Variants in PEX5L observed in about 807,000 individuals in gnomAD.
PEX5L encodes the protein PEX5-related protein.
Under a neutral mutation model 84.0 loss-of-function variants are expected in PEX5L, and 30 were observed. The observed-to-expected ratio is 0.36, with a 90% confidence interval of 0.27 to 0.48. The LOEUF (loss-of-function observed/expected upper bound fraction) is 0.48, where lower values mean the gene tolerates loss of function less well. PEX5L is among the 20% of genes least tolerant of loss of function. PEX5L has a pLI of 0.99. For synonymous variants in PEX5L, 270 were observed against 283.1 expected, an observed-to-expected ratio of 0.95 and a Z score of 0.46; for missense variants, 533 against 754.6, an observed-to-expected ratio of 0.71 and a Z score of 3.44.
chr3:179,843,656 CATCCAGAGATAA>C lies in PEX5L; in HGVS notation c.822+15394_822+15405del, dbSNP rs148506521. On this transcript the variant is annotated intron_variant, in intron 8 of 14. Coordinates refer to ENST00000467460, the MANE Select transcript of PEX5L (RefSeq NM_016559.3). ...ATGAAAAATAATTATTCAATCTCACCATCCAGAGATAAATTATTAATCACTGTTGATACTTTT... is the reference window on the plus strand; with the variant it reads ...ATGAAAAATAATTATTCAATCTCACCATTATTAATCACTGTTGATACTTTT... Among the ~76,000 whole-genome samples the C allele has an allele frequency of 7.4e-3, 1,122 of 152,276 alleles. 11 individuals are homozygous for C. The highest frequency in any genetic ancestry group is 0.026 in the African/African-American group (1,072 of 41,546).
intron 7 of PEX5L, among the ~76,000 whole-genome samples, chr3:179,864,099 G>T (rs1479928132): frequency 6.6e-6 from 1 of 152,086 alleles, no homozygotes; most frequent in Non-Finnish European, 1.5e-5. Context: ...CCCCAGCCAC[G>T]TGGAACTCTA....
At position 180,019,431 on chromosome 3, in the gene PEX5L, G is replaced by A. The variant is rs559477959; in HGVS notation, c.21+17148C>T. The stretch of plus-strand genomic sequence containing the variant: ...TAACATTCTATAAAAGTGTGCTCCT[G>A]GCTCTGGTTGGAATTTTAGCCTCTG... On this transcript the variant is annotated intron_variant, in intron 1 of 14. Coordinates refer to ENST00000467460, the MANE Select transcript of PEX5L (RefSeq NM_016559.3). Among the ~76,000 whole-genome samples, 13 of 152,246 alleles carry A rather than the reference G, an allele frequency of 8.5e-5. No homozygotes were observed. In the East Asian group the frequency reaches 2.5e-3, roughly 29 times the overall value.
At chr3:179,989,687 T>C (rs913753597) in intron 1 of PEX5L, among the ~76,000 whole-genome samples, 12 of 152,174 alleles carry the variant, frequency 7.9e-5, no homozygotes, top group African/African-American at 2.9e-4. Flanking sequence ...ACTTAGATTA[T>C]GAAAATGATT....
At chr3:179,995,323 G>A (rs2110393173) in intron 1 of PEX5L, among the ~76,000 whole-genome samples, 1 of 151,262 alleles carries the variant, frequency 6.6e-6, no homozygotes, top group South Asian at 2.1e-4. Context: ...AACAGGAGTG[G>A]TTCTAGAGGA....
intron 8 of PEX5L, among the ~76,000 whole-genome samples, chr3:179,836,264 A>G (rs1443784241): frequency 1.3e-5 from 2 of 152,200 alleles, no homozygotes; most frequent in Non-Finnish European, 2.9e-5. Flanking sequence ...ACACTTATAA[A>G]ATATTTGGCA....
intron 1 of PEX5L, among the ~76,000 whole-genome samples, chr3:180,028,882 G>T (rs1284371919): frequency 1.3e-5 from 2 of 152,208 alleles, no homozygotes; most frequent in Non-Finnish European, 2.9e-5. Context: ...CCAAATACCT[G>T]TGAAATAACT....
At position 179,796,177 on chromosome 3, in the gene PEX5L, A is replaced by T. The variant is rs1560101275; in HGVS notation, c.*5651T>A. 1.3e-5 allele frequency: 2 copies of T among 152,302 alleles called. No homozygotes were observed. The highest frequency in any genetic ancestry group is 3.9e-4 in the East Asian group (2 of 5,188). 9.4% of individuals were successfully genotyped at this position (152,302 alleles called of 1,614,324 possible). A position where few individuals can be genotyped will look rare whatever the true frequency, so the allele number is the denominator to read the frequency against. On this transcript the variant is annotated 3_prime_UTR_variant, in exon 15 of 15. Transcript: ENST00000467460. ...TCCCTTTCCAAGAAATCCAAAGAAC[A>T]CGACCCCTCCCCCTCCCCCAATGAA...
At chr3:179,950,508 A>C (rs377678606) in intron 2 of PEX5L, among the ~76,000 whole-genome samples, 5 of 115,048 alleles carry the variant, frequency 4.3e-5, no homozygotes, top group African/African-American at 1.4e-4. Context: ...AACTTAAAGT[A>C]TAATAACAAA....
chr3:180,036,792 C>A lies in PEX5L; in HGVS notation c.-193G>T. 1 of 612,754 alleles carries A rather than the reference C, an allele frequency of 1.6e-6. No homozygotes were observed. Among genetic ancestry groups the A allele is most frequent in the East Asian group, 2.7e-5 (1 of 36,992 alleles). The allele number at this position is 612,754 out of a possible 1,614,324, so 38.0% of individuals were successfully genotyped here. On this transcript the variant is annotated 5_prime_UTR_variant, in exon 1 of 15. Coordinates refer to ENST00000467460, the MANE Select transcript of PEX5L (RefSeq NM_016559.3). ...GCTGCGGGCTGCCGGGAACTGTTCT[C>A]CGCTCGGGGTGCTGAAAGCGGACGC...
chr3:179,923,311 A>AAAAAAT (rs1770390869), intron 2 of PEX5L, among the ~76,000 whole-genome samples: 1 of 149,552 alleles, frequency 6.7e-6, no homozygotes, highest in Non-Finnish European at 1.5e-5. Flanking sequence ...AAAAAAAAAA[A>AAAAAAT]CACCCTCAAG....
chr3:179,962,138 C>A (rs1378616657), intron 2 of PEX5L, among the ~76,000 whole-genome samples: 1 of 152,232 alleles, frequency 6.6e-6, no homozygotes, highest in Non-Finnish European at 1.5e-5. Flanking sequence ...ATATAAACAT[C>A]TTTTTATAAA....
chr3:179,819,818 T>C lies in PEX5L; in HGVS notation c.939+42A>G, dbSNP rs754709211. The C allele has an allele frequency of 4.8e-5, 74 of 1,552,248 alleles. No homozygotes were observed. In the South Asian group the frequency reaches 8.2e-4, roughly 17 times the overall value. On this transcript the variant is annotated intron_variant, in intron 9 of 14. Coordinates refer to ENST00000467460, the MANE Select transcript of PEX5L (RefSeq NM_016559.3). ...ATCTATAAAATATGATCCAAAAAGG[T>C]GGAGAAAAGTAGTCAGCATGTATAG...
intron 1 of PEX5L, chr3:179,973,586 A>C (rs1785301983): frequency 1.0e-6 from 1 of 983,150 alleles, no homozygotes; most frequent in Non-Finnish European, 1.2e-6. Flanking sequence ...TCCTCATCAT[A>C]AAAGCTCTTG....
chr3:179,941,091 T>C (rs1316902790), intron 2 of PEX5L, among the ~76,000 whole-genome samples: 4 of 152,164 alleles, frequency 2.6e-5, no homozygotes, highest in East Asian at 1.9e-4. Flanking sequence ...GTGCAAATAA[T>C]AGCAAGTGAT....
rs148495757 is a variant in PEX5L at position 180,024,347 on chromosome 3, A to AATATATATAT, written c.21+12222_21+12231dup. On this transcript the variant is annotated intron_variant, in intron 1 of 14. Transcript: ENST00000467460. ...ACACTGTGAAACCCCGTCCCTACTA[A>AATATATATAT]ATATATATATATATATATATATATA... Among the ~76,000 whole-genome samples the AATATATATAT allele has an allele frequency of 8.0e-3, 860 of 107,588 alleles. 27 individuals carry two copies. Among genetic ancestry groups the AATATATATAT allele is most frequent in the Non-Finnish European group, 0.012 (618 of 53,534 alleles). The allele number at this position is 107,588 out of a possible 152,430, so 70.6% of individuals were successfully genotyped here.
At chr3:179,956,032 CA>C (rs1466929719) in intron 2 of PEX5L, among the ~76,000 whole-genome samples, 2 of 152,214 alleles carry the variant, frequency 1.3e-5, no homozygotes, top group Admixed American at 6.5e-5. Flanking sequence ...TGGATTTATT[CA>C]CAGGAAGTAA....
Position 180,033,491 on chromosome 3 carries a change from C to T in PEX5L, c.21+3088G>A, listed in dbSNP as rs910790354. On this transcript the variant is annotated intron_variant, in intron 1 of 14. Coordinates refer to ENST00000467460, the MANE Select transcript of PEX5L (RefSeq NM_016559.3). ...TATATTTCTCTGTATTTATACCACC[C>T]CAGAAATAAAACAGCTAGGTTAAGA... Among the ~76,000 whole-genome samples, 9 of 152,012 alleles carry T rather than the reference C, an allele frequency of 5.9e-5. No individual in the cohort carries two copies. In the East Asian group the frequency reaches 1.2e-3, roughly 20 times the overall value.
intron 7 of PEX5L, among the ~76,000 whole-genome samples, chr3:179,873,289 CTAT>C (rs925131216): frequency 1.2e-4 from 19 of 152,102 alleles, no homozygotes; most frequent in African/African-American, 4.6e-4. Context: ...GTAATATCTG[CTAT>C]TATTATAATT....
chr3:179,855,008 G>A (rs190125774), intron 8 of PEX5L, among the ~76,000 whole-genome samples: 2 of 152,280 alleles, frequency 1.3e-5, no homozygotes, highest in Admixed American at 1.3e-4. Flanking sequence ...TGTCAAGAAG[G>A]AACCTGCCAC....
Sources: gnomAD v4.1 joint callset for allele counts (sites outside exome capture counted in the v4.1 genomes callset) on GRCh38, gnomAD v4.1.1 for gene constraint, MANE v1.5 for transcripts, NCBI Gene and HGNC (gene_info 2026-07-23, HGNC 2026-07-21) for gene names.